CLIP4: variants seen among roughly 807,000 people sequenced by gnomAD.
The protein encoded by CLIP4 is CAP-Gly domain containing linker protein family member 4.
In CLIP4, 47 loss-of-function variants were observed where a neutral mutation model predicts 73.1. The observed-to-expected ratio is 0.64, with a 90% CI of 0.51 to 0.82. CLIP4 has a LOEUF of 0.82. CLIP4 is among the 40% of genes least tolerant of loss of function. The pLI is 0.00. For synonymous variants in CLIP4, 306 were observed against 295.4 expected, an observed-to-expected ratio of 1.04 and a Z score of -0.37; for missense variants, 874 against 852.9, an observed-to-expected ratio of 1.02 and a Z score of -0.31.
chr2:29,113,370 A>T (rs1012389701), upstream of CLIP4, among the ~76,000 whole-genome samples: 3 of 152,132 alleles, frequency 2.0e-5, no homozygotes, highest in East Asian at 5.8e-4. This position sits in a 1 kb window ranked among gnomAD's most constrained non-coding sequence, Gnocchi z 4.0. Flanking sequence ...TCCCACCCCA[A>T]TGAATAGTTC....
chr2:29,121,544 T>A (rs56075962), intron 2 of CLIP4, 23 bp downstream of exon 2: 137,405 of 1,609,512 alleles, frequency 0.085, 6,780 homozygotes, highest in Non-Finnish European at 0.094. Context: ...GCTGTGCTTA[T>A]TTTCTGTGAA....
intron 14 of CLIP4, among the ~76,000 whole-genome samples, chr2:29,172,456 C>T (rs1340677622): frequency 2.0e-5 from 3 of 152,030 alleles, no homozygotes; most frequent in Non-Finnish European, 4.4e-5. Flanking sequence ...TATCGTTGTG[C>T]TGTTTTTGGC....
At chr2:29,180,625 T>G (rs1402267042) in intron 15 of CLIP4, among the ~76,000 whole-genome samples, 1 of 152,176 alleles carries the variant, frequency 6.6e-6, no homozygotes, top group Non-Finnish European at 1.5e-5. Context: ...TTTGTTTGCA[T>G]ATGAAAAAAT....
At chr2:29,140,225 C>G (rs1459541740) in intron 6 of CLIP4, among the ~76,000 whole-genome samples, 2 of 152,102 alleles carry the variant, frequency 1.3e-5, no homozygotes, top group Non-Finnish European at 2.9e-5. Flanking sequence ...GCTATCCCTC[C>G]CCTCTCCTCC....
intron 1 of CLIP4, among the ~76,000 whole-genome samples, chr2:29,098,260 A>AATT (rs1320677399): frequency 2.6e-5 from 4 of 152,220 alleles, no homozygotes; most frequent in African/African-American, 7.2e-5. Context: ...TTATGAACTA[A>AATT]AGCCTGTGGT....
chr2:29,126,702 T>C, intron 2 of CLIP4, among the ~76,000 whole-genome samples: 1 of 152,216 alleles, frequency 6.6e-6, no homozygotes, highest in South Asian at 2.1e-4. Context: ...AATGTCTTGG[T>C]TGATGTCATC....
rs34304199 is a variant in CLIP4 at position 29,144,798 on chromosome 2, C to CTTTTT, written c.886-415_886-411dup. ...TGAGTTTCCCAACATAGTTATATCC[C>CTTTTT]TTTTTTTTTTTTTTTTTTTTTTTGA... On this transcript the variant is annotated intron_variant, in intron 7 of 15. Coordinates refer to ENST00000320081, the MANE Select transcript of CLIP4 (RefSeq NM_024692.6). Among the ~76,000 whole-genome samples the CTTTTT allele has an allele frequency of 6.8e-3, 576 of 84,298 alleles. 37 individuals carry two copies. The highest frequency in any genetic ancestry group is 0.028 in the African/African-American group (546 of 19,584). The allele number at this position is 84,298 out of a possible 152,430, so 55.3% of individuals were successfully genotyped here.
At chr2:29,171,482 T>A (rs1181942589) in intron 14 of CLIP4, among the ~76,000 whole-genome samples, 2 of 152,094 alleles carry the variant, frequency 1.3e-5, no homozygotes, top group East Asian at 1.9e-4. Context: ...TGTTCTTATG[T>A]TTTTAGAATA....
At chr2:29,143,460 T>A (rs1261557445) in intron 6 of CLIP4, among the ~76,000 whole-genome samples, 2 of 152,190 alleles carry the variant, frequency 1.3e-5, no homozygotes, top group African/African-American at 4.8e-5. Flanking sequence ...ATAATTTACT[T>A]GTTTAATGTT....
In CLIP4 at chr2:29,145,353, G is replaced by A; in HGVS notation, c.1007G>A (p.Cys336Tyr). ...GSVGKVQYFK[C>Y]APKYGIFAPL... ...GTTGGAAAAGTCCAGTACTTTAAATGTGCCCCCAAGTATGGTAAGGTTGAT... is the reference window on the plus strand; with the variant it reads ...GTTGGAAAAGTCCAGTACTTTAAATATGCCCCCAAGTATGGTAAGGTTGAT... The change falls in exon 8 of 16, where the codon TGT (cysteine) becomes TAT (tyrosine). Residue 336 changes from cysteine (C) to tyrosine (Y), a missense_variant. Cys to Tyr is a radical substitution (Grantham distance 194). Coordinates refer to ENST00000320081, the MANE Select transcript of CLIP4 (RefSeq NM_024692.6). 6 of 1,609,808 alleles carry A rather than the reference G, an allele frequency of 3.7e-6. No individual in the cohort carries two copies. The highest frequency in any genetic ancestry group is 5.1e-6 in the Non-Finnish European group (6 of 1,176,736).
intron 2 of CLIP4, among the ~76,000 whole-genome samples, chr2:29,125,502 G>A (rs1028135726): frequency 1.3e-5 from 2 of 151,912 alleles, no homozygotes; most frequent in African/African-American, 4.8e-5. Flanking sequence ...CTGTCTCCTC[G>A]ACTCAGTGAG....
chr2:29,120,290 A>G (rs1664166833), intron 1 of CLIP4, among the ~76,000 whole-genome samples: 1 of 152,200 alleles, frequency 6.6e-6, no homozygotes, highest in African/African-American at 2.4e-5. Flanking sequence ...ACTTTTTACC[A>G]GTTCCTGCCA....
intron 1 of CLIP4, among the ~76,000 whole-genome samples, chr2:29,103,763 G>C (rs2148433640): frequency 6.6e-6 from 1 of 152,010 alleles, no homozygotes; most frequent in East Asian, 1.9e-4. Context: ...ACCCAGGCTG[G>C]AGTGCAATGG....
At chr2:29,119,657 G>GT (rs1664122974) in intron 1 of CLIP4, among the ~76,000 whole-genome samples, 1 of 152,136 alleles carries the variant, frequency 6.6e-6, no homozygotes, top group South Asian at 2.1e-4. Flanking sequence ...TTGCTCCTCA[G>GT]TACAGCCCTA....
chr2:29,102,660 CT>C (rs1009375729), intron 1 of CLIP4, among the ~76,000 whole-genome samples: 2 of 151,798 alleles, frequency 1.3e-5, no homozygotes, highest in African/African-American at 4.8e-5. Flanking sequence ...GAGTCTCACT[CT>C]GTCACCCAGG....
chr2:29,102,883 G>T (rs568647497), intron 1 of CLIP4, among the ~76,000 whole-genome samples: 61 of 152,300 alleles, frequency 4.0e-4, no homozygotes, highest in Admixed American at 1.0e-3. Flanking sequence ...CTCCCAAAGT[G>T]CTGGGATTAC....
In CLIP4 at chr2:29,104,358, C is replaced by T. The variant is rs577429357; in HGVS notation, c.-16+6411C>T. ...TGATGAGATCTTGTCTTACAGCAACCTCCACCTCCTGGGCTCAAGTGATCC... is the reference window on the plus strand; with the variant it reads ...TGATGAGATCTTGTCTTACAGCAACTTCCACCTCCTGGGCTCAAGTGATCC... On this transcript the variant is annotated intron_variant, in intron 1 of 14. Coordinates refer to the CLIP4 transcript ENST00000401605. 1.1e-4 allele frequency among the ~76,000 whole-genome samples: 17 copies of T among 152,296 alleles called. No homozygotes were observed. The South Asian group carries it at 3.3e-3, about 30-fold the overall frequency.
intron 1 of CLIP4, among the ~76,000 whole-genome samples, chr2:29,103,649 TG>T (rs1311012105): frequency 6.6e-6 from 1 of 152,084 alleles, no homozygotes; most frequent in African/African-American, 2.4e-5. Flanking sequence ...TTGATCTGTC[TG>T]TAGGGTGACC....
At chr2:29,175,914 A>G (rs867240385) in intron 15 of CLIP4, among the ~76,000 whole-genome samples, 2 of 151,938 alleles carry the variant, frequency 1.3e-5, no homozygotes, top group African/African-American at 2.4e-5. Flanking sequence ...GGCGCCCGCC[A>G]CCACACCCGG....
Sources: gnomAD v4.1 joint callset for allele counts (sites outside exome capture counted in the v4.1 genomes callset) on GRCh38, gnomAD v4.1.1 for gene constraint, Gnocchi (gnomAD v3.1) non-coding constraint, MANE v1.5 for transcripts, NCBI Gene and HGNC (gene_info 2026-07-23, HGNC 2026-07-21) for gene names.